SZRD1: variants seen among roughly 807,000 people sequenced by gnomAD.
SZRD1 encodes SUZ RNA-binding domain-containing.
SZRD1 carries 7 observed loss-of-function variants against 17.6 expected under a neutral mutation model. The ratio of observed to expected loss-of-function variants is 0.40; its 90% CI spans 0.23 to 0.75. The LOEUF (loss-of-function observed/expected upper bound fraction) is 0.75, where lower values mean the gene tolerates loss of function less well. SZRD1 is among the 30% of genes least tolerant of loss of function. The probability of loss-of-function intolerance (pLI) is 0.38; values close to 1 mark genes in which losing one functional copy is unlikely to be tolerated. For missense variants in SZRD1, 178 were observed against 201.8 expected, an observed-to-expected ratio of 0.88 and a Z score of 0.71; for synonymous variants, 77 against 77.9, an observed-to-expected ratio of 0.99 and a Z score of 0.06.
chr1:16,371,816 G>A (rs989430090), intron 1 of SZRD1, among the ~76,000 whole-genome samples: 11 of 152,172 alleles, frequency 7.2e-5, no homozygotes, highest in African/African-American at 2.4e-4. Flanking sequence ...TGCAGTGGTC[G>A]GAATACAGCT....
At chr1:16,380,536 G>A (rs970373013) in intron 1 of SZRD1, among the ~76,000 whole-genome samples, 5 of 151,726 alleles carry the variant, frequency 3.3e-5, no homozygotes, top group Non-Finnish European at 4.4e-5. Flanking sequence ...TGGCGTGATC[G>A]CGGTTCACCA....
intron 1 of SZRD1, among the ~76,000 whole-genome samples, chr1:16,378,413 T>A (rs931602405): frequency 6.6e-6 from 1 of 151,222 alleles, no homozygotes; most frequent in Non-Finnish European, 1.5e-5. Flanking sequence ...GCCTCCCGAG[T>A]AGCTGGAATT....
intron 1 of SZRD1, chr1:16,387,640 TG>T (rs1365696449): frequency 1.5e-5 from 7 of 456,630 alleles, no homozygotes; most frequent in Non-Finnish European, 3.1e-5. Context: ...TGAAGGCATT[TG>T]GTCTCAACCC....
At chr1:16,377,686 A>G (rs766210508) in intron 1 of SZRD1, among the ~76,000 whole-genome samples, 1 of 152,176 alleles carries the variant, frequency 6.6e-6, no homozygotes, top group Non-Finnish European at 1.5e-5. Flanking sequence ...ATTTTTGGAC[A>G]AATCACTACC....
At chr1:16,367,381 C>G in intron 1 of SZRD1, 73 bp downstream of exon 1, 1 of 1,419,772 alleles carries the variant, frequency 7.0e-7, no homozygotes, top group South Asian at 1.2e-5. Context: ...GGGAGCGGGT[C>G]TGGAGATAGT....
Position 16,393,816 on chromosome 1 carries a change from C to T in SZRD1, c.356+334C>T, listed in dbSNP as rs151236536. 2.1e-4 allele frequency among the ~76,000 whole-genome samples: 32 copies of T among 152,286 alleles called. No homozygotes were observed. Among genetic ancestry groups the T allele is most frequent in the South Asian group, 4.1e-4 (2 of 4,826 alleles). On this transcript the variant is annotated intron_variant, in intron 3 of 3. Coordinates refer to ENST00000401088, the MANE Select transcript of SZRD1 (RefSeq NM_001114600.3). The surrounding 1 kb of genome is among the most constrained non-coding windows in gnomAD (Gnocchi z 5.6). ...TTACCTCTTCTTTAGAACGACTTGACCTCTCTGGGCCTTAGTTTTCTCATC... is the reference window on the plus strand; with the variant it reads ...TTACCTCTTCTTTAGAACGACTTGATCTCTCTGGGCCTTAGTTTTCTCATC...
intron 1 of SZRD1, among the ~76,000 whole-genome samples, chr1:16,382,043 G>A (rs1046934471): frequency 1.3e-5 from 2 of 152,354 alleles, no homozygotes; most frequent in African/African-American, 4.8e-5. Flanking sequence ...GGGCCAATGT[G>A]GTGGCCATGC....
chr1:16,381,275 A>G (rs950125289), intron 1 of SZRD1, among the ~76,000 whole-genome samples: 2 of 151,898 alleles, frequency 1.3e-5, no homozygotes, highest in African/African-American at 2.4e-5. Flanking sequence ...AATAAAAAAT[A>G]ATGTTGGGCA....
At chr1:16,380,317 A>G (rs559968802) in intron 1 of SZRD1, among the ~76,000 whole-genome samples, 17 of 149,140 alleles carry the variant, frequency 1.1e-4, no homozygotes, top group Non-Finnish European at 2.4e-4. Context: ...CTCTTTATTT[A>G]TTTTTGAGCT....
chr1:16,386,779 A>C (rs1213506209), intron 1 of SZRD1, among the ~76,000 whole-genome samples: 2 of 152,092 alleles, frequency 1.3e-5, no homozygotes, highest in Non-Finnish European at 2.9e-5. Context: ...GCTCTGATAA[A>C]GCTCTTCTGC....
intron 1 of SZRD1, chr1:16,387,496 C>T (rs771891512): frequency 1.3e-5 from 6 of 456,460 alleles, no homozygotes; most frequent in East Asian, 6.9e-5. Context: ...GTTTCTTCTG[C>T]GCTAGATCTG....
chr1:16,375,523 A>G (rs11804452), intron 1 of SZRD1, among the ~76,000 whole-genome samples: 2,764 of 151,946 alleles, frequency 0.018, 87 homozygotes, highest in African/African-American at 0.062. Context: ...ATGTTGCCCA[A>G]GCTGGTCTGG....
chr1:16,373,502 C>G, intron 1 of SZRD1, among the ~76,000 whole-genome samples: 2 of 150,178 alleles, frequency 1.3e-5, no homozygotes, highest in Non-Finnish European at 3.0e-5. Flanking sequence ...TCGCTTGAAC[C>G]TGGGAGGTGG....
chr1:16,385,379 G>T (rs1228000481), intron 1 of SZRD1, among the ~76,000 whole-genome samples: 2 of 152,132 alleles, frequency 1.3e-5, no homozygotes, highest in Non-Finnish European at 2.9e-5. Context: ...TTGTGAGCTT[G>T]GCTAGTTCGA....
intron 3 of SZRD1, among the ~76,000 whole-genome samples, chr1:16,394,484 A>G (rs1293871146): frequency 2.0e-5 from 3 of 152,138 alleles, no homozygotes. Flanking sequence ...CCCCCTGCCT[A>G]CAAGTGCATG....
chr1:16,373,234 T>G (rs1198682421), intron 1 of SZRD1, among the ~76,000 whole-genome samples: 1 of 149,308 alleles, frequency 6.7e-6, no homozygotes, highest in African/African-American at 2.4e-5. Flanking sequence ...CTTTGAAGTT[T>G]TTTTTTTTTT....
chr1:16,375,480 CAT>C (rs1311148579), intron 1 of SZRD1, among the ~76,000 whole-genome samples: 1 of 152,000 alleles, frequency 6.6e-6, no homozygotes, highest in Non-Finnish European at 1.5e-5. Flanking sequence ...ATGCCCGACT[CAT>C]GTTTTGTATT....
rs1259039421 is a variant in SZRD1 at position 16,367,251 on chromosome 1, G to A, written c.-7G>A. 4 of 1,548,394 alleles carry A rather than the reference G, an allele frequency of 2.6e-6. No individual in the cohort carries two copies. The highest frequency in any genetic ancestry group is 1.2e-5 in the South Asian group (1 of 83,952). ...GGGGTGGGGGAGGAGGGAAAGCGGC[G>A]AGTAAGATGGAAGATGAGGAGGTCG... On this transcript the variant is annotated 5_prime_UTR_variant, in exon 1 of 4. Transcript: ENST00000401088.
intron 1 of SZRD1, among the ~76,000 whole-genome samples, chr1:16,385,316 C>T (rs1036319914): frequency 1.3e-5 from 2 of 152,116 alleles, no homozygotes; most frequent in Non-Finnish European, 2.9e-5. Flanking sequence ...AAGGGTGAGA[C>T]ACCCCCTCTG....
Sources: gnomAD v4.1 joint callset for allele counts (sites outside exome capture counted in the v4.1 genomes callset) on GRCh38, gnomAD v4.1.1 for gene constraint, Gnocchi (gnomAD v3.1) non-coding constraint, MANE v1.5 for transcripts, NCBI Gene and HGNC (gene_info 2026-07-23, HGNC 2026-07-21) for gene names.